The following PARVB variants were observed in gnomAD, a reference collection of about 807,000 sequenced individuals.
PARVB encodes the protein parvin beta.
A neutral mutation model predicts 47.0 loss-of-function variants in PARVB; 46 were observed. That is an observed-to-expected ratio of 0.98 (90% CI 0.77 to 1.25). The LOEUF (loss-of-function observed/expected upper bound fraction) is 1.25. Among genes scored for constraint, PARVB ranks in the 50% most tolerant of loss-of-function variants. The pLI is 0.00. For synonymous variants in PARVB, 196 were observed against 196.3 expected, an observed-to-expected ratio of 1.00 and a Z score of 0.01; for missense variants, 473 against 471.6, an observed-to-expected ratio of 1.00 and a Z score of -0.03.
intron 4 of PARVB, among the ~76,000 whole-genome samples, chr22:44,131,131 CTT>C (rs1329018918): frequency 1.0e-4 from 8 of 78,838 alleles, no homozygotes; most frequent in African/African-American, 1.4e-4. Flanking sequence ...CTTTTTCTTT[CTT>C]TCTCTCTCTC....
intron 11 of PARVB, among the ~76,000 whole-genome samples, chr22:44,161,592 G>A (rs888396800): frequency 2.0e-5 from 3 of 152,146 alleles, no homozygotes; most frequent in South Asian, 2.1e-4. Context: ...GATTACAGGC[G>A]TGAGCCACTA....
At chr22:44,100,812 C>T (rs2052425440) in intron 3 of PARVB, among the ~76,000 whole-genome samples, 2 of 152,094 alleles carry the variant, frequency 1.3e-5, no homozygotes, top group Admixed American at 1.3e-4. Flanking sequence ...AGAGAGAATC[C>T]CCTGAAGAGG....
intron 9 of PARVB, chr22:44,148,208 G>A: frequency 4.3e-6 from 2 of 462,684 alleles, no homozygotes; most frequent in South Asian, 2.1e-5. Flanking sequence ...TTTTTTCAAT[G>A]TGGAAATGTT....
Position 44,136,448 on chromosome 22 carries a change from T to C in PARVB, c.634-12T>C. ...ACTGCCTGATTTTGTATGTTTATTT[T>C]GGGGTTTTCAGAAACGGGAAGGCCT... On this transcript the variant is annotated splice_polypyrimidine_tract_variant and intron_variant, in intron 6 of 12. Transcript: ENST00000338758. 2 of 1,613,522 alleles carry C rather than the reference T, an allele frequency of 1.2e-6. No homozygotes were observed. The highest frequency in any genetic ancestry group is 2.2e-5 in the South Asian group (2 of 91,064).
At chr22:44,137,103 C>T (rs2053455710) in intron 7 of PARVB, among the ~76,000 whole-genome samples, 1 of 152,236 alleles carries the variant, frequency 6.6e-6, no homozygotes, top group Non-Finnish European at 1.5e-5. Flanking sequence ...CTTGACTAAA[C>T]CTGTTTCAGA....
intron 5 of PARVB, 75 bp downstream of exon 5, chr22:44,131,702 C>G: frequency 6.9e-7 from 1 of 1,445,394 alleles, no homozygotes; most frequent in Non-Finnish European, 9.3e-7. Flanking sequence ...CCACATTTGT[C>G]ATCCACATTC....
intron 1 of PARVB, among the ~76,000 whole-genome samples, chr22:44,074,194 C>A (rs1420829709): frequency 6.6e-6 from 1 of 152,186 alleles, no homozygotes; most frequent in Non-Finnish European, 1.5e-5. Context: ...GGCCAAGGCT[C>A]CCAGCAGAGA....
At chr22:44,066,798 C>CCTCCTCCTCCTT (rs1569087955) in intron 1 of PARVB, among the ~76,000 whole-genome samples, 24 of 67,642 alleles carry the variant, frequency 3.5e-4, no homozygotes, top group South Asian at 1.2e-3. Context: ...TCCTCCTCCT[C>CCTCCTCCTCCTT]CTCCTCCTCC....
intron 2 of PARVB, among the ~76,000 whole-genome samples, chr22:44,014,301 C>G (rs535486028): frequency 6.6e-5 from 10 of 152,312 alleles, no homozygotes; most frequent in African/African-American, 2.4e-4. Context: ...GCATGCAGCA[C>G]CAGCTCAGGA....
chr22:43,999,933 G>A (rs2050397654), intron 2 of PARVB, among the ~76,000 whole-genome samples: 1 of 151,466 alleles, frequency 6.6e-6, no homozygotes, highest in South Asian at 2.1e-4. Context: ...CTTGAGCCCA[G>A]GAGGTTAAGG....
chr22:44,074,761 T>TG (rs1409755567), intron 1 of PARVB, among the ~76,000 whole-genome samples: 4 of 152,076 alleles, frequency 2.6e-5, no homozygotes, highest in African/African-American at 4.8e-5. Flanking sequence ...AGTGTGGGCG[T>TG]GGGGGGCAGT....
At chr22:44,117,390 G>T (rs1027643306) in intron 3 of PARVB, among the ~76,000 whole-genome samples, 1 of 151,970 alleles carries the variant, frequency 6.6e-6, no homozygotes, top group African/African-American at 2.4e-5. Flanking sequence ...GGCCATGGGG[G>T]GTGGGGGAGG....
chr22:44,023,562 T>C (rs150237809), upstream of PARVB, among the ~76,000 whole-genome samples: 10,065 of 136,494 alleles, frequency 0.074, 649 homozygotes, highest in East Asian at 0.3. Flanking sequence ...TAAAATAAAA[T>C]AAAATAAAAT....
intron 3 of PARVB, chr22:44,104,735 C>T (rs2052530553): frequency 6.6e-6 from 1 of 152,322 alleles, no homozygotes; most frequent in African/African-American, 2.4e-5. Flanking sequence ...CCACCCTGAC[C>T]ACCTTGCTGT....
At chr22:44,159,353 A>G (rs997397916) in intron 11 of PARVB, among the ~76,000 whole-genome samples, 21 of 152,168 alleles carry the variant, frequency 1.4e-4, no homozygotes, top group Non-Finnish European at 1.8e-4. Flanking sequence ...GCTTTGTACA[A>G]ATGTCAGAGG....
At position 44,024,312 on chromosome 22, in the gene PARVB, C is replaced by A; in HGVS notation, c.-28C>A. The A allele has an allele frequency of 2.0e-6, 2 of 1,006,790 alleles. No homozygotes were observed. Among genetic ancestry groups the A allele is most frequent in the South Asian group, 9.1e-5 (2 of 22,018 alleles). The allele number at this position is 1,006,790 out of a possible 1,614,324, so 62.4% of individuals were successfully genotyped here. ...CGACCGGGCGGCTCCACACGCGCTG[C>A]GCCCGCCGCCGGCCCCACGCGCGGC... On this transcript the variant is annotated 5_prime_UTR_variant, in exon 1 of 13. Transcript: ENST00000338758.
chr22:44,008,640 G>A (rs1569046488), intron 2 of PARVB, among the ~76,000 whole-genome samples: 1 of 152,188 alleles, frequency 6.6e-6, no homozygotes, highest in African/African-American at 2.4e-5. Flanking sequence ...CTGAGGACAC[G>A]GATCCAAGAG....
chr22:44,056,228 C>T (rs949598912), intron 1 of PARVB, among the ~76,000 whole-genome samples: 15 of 152,246 alleles, frequency 9.9e-5, no homozygotes, highest in Admixed American at 3.3e-4. Context: ...GCTGCCTCTG[C>T]TGTGTGGCCG....
chr22:44,096,793 C>T (rs1200377305), intron 2 of PARVB, among the ~76,000 whole-genome samples: 1 of 152,122 alleles, frequency 6.6e-6, no homozygotes. Flanking sequence ...TTGCAGCTGG[C>T]TATGACGCAC....
Sources: allele counts gnomAD v4.1 joint callset (sites outside exome capture counted in the v4.1 genomes callset), GRCh38; gene constraint gnomAD v4.1.1; transcripts MANE v1.5; gene names NCBI Gene and HGNC (gene_info 2026-07-23, HGNC 2026-07-21).